NASP: variants seen among roughly 807,000 people sequenced by gnomAD.
The protein encoded by NASP is NASP histone chaperone.
A neutral mutation model predicts 89.5 loss-of-function variants in NASP; 24 were observed. The ratio of observed to expected loss-of-function variants is 0.27; its 90% CI spans 0.19 to 0.38. The LOEUF is 0.38. Ranked by LOEUF, NASP falls within the 10% of genes least tolerant of loss-of-function variation. NASP has a pLI of 1.00. For synonymous variants in NASP, 306 were observed against 324.7 expected, an observed-to-expected ratio of 0.94 and a Z score of 0.62; for missense variants, 848 against 921.4, an observed-to-expected ratio of 0.92 and a Z score of 1.03.
At chr1:45,595,715 A>C (rs1489142195) in intron 2 of NASP, among the ~76,000 whole-genome samples, 1 of 152,218 alleles carries the variant, frequency 6.6e-6, no homozygotes, top group African/African-American at 2.4e-5. Flanking sequence ...AGTACTAGCA[A>C]TTCTTGTGTT....
chr1:45,617,398 G>GT (rs1452489386), intron 13 of NASP, 65 bp from the exon 14 acceptor site: 1 of 1,551,304 alleles, frequency 6.4e-7, no homozygotes. Context: ...TTAAGGAAAT[G>GT]TTTTGCAGTT....
intron 1 of NASP, among the ~76,000 whole-genome samples, chr1:45,585,041 G>C (rs1283561250): frequency 6.6e-6 from 1 of 152,194 alleles, no homozygotes; most frequent in Non-Finnish European, 1.5e-5. Context: ...AGCACTGTTT[G>C]GTTGCTAGGT....
chr1:45,615,557 TG>T, intron 11 of NASP, 86 bp downstream of exon 11: 1 of 1,349,674 alleles, frequency 7.4e-7, no homozygotes. Context: ...CATCATGACT[TG>T]GTTTCCAGGG....
At chr1:45,598,866 CTT>C (rs138195196) in intron 2 of NASP, among the ~76,000 whole-genome samples, 1,562 of 152,188 alleles carry the variant, frequency 0.01, 28 homozygotes, top group African/African-American at 0.036. Context: ...AATTCAATAA[CTT>C]TATGAGGTGT....
Position 45,607,451 on chromosome 1 carries a change from G to C in NASP, c.540G>C (p.Lys180Asn), listed in dbSNP as rs1427858778. The change falls in exon 6 of 15, where the codon AAG becomes AAC. Residue 180 changes from lysine (K) to asparagine (N), a missense_variant. Physicochemically the swap from Lys to Asn is moderately conservative, Grantham distance 94. Transcript: ENST00000350030. ...TDKEQDSEME[K>N]GGREDMDISK... The stretch of plus-strand genomic sequence containing the variant: ...AAGAACAGGACAGTGAAATGGAGAA[G>C]GGTGGAAGAGAAGATATGGATATAA... 1 of 1,613,644 alleles carries C rather than the reference G, an allele frequency of 6.2e-7. No homozygotes were observed. The highest frequency in any genetic ancestry group is 8.5e-7 in the Non-Finnish European group (1 of 1,179,938).
chr1:45,595,482 G>A (rs535439643), intron 2 of NASP, among the ~76,000 whole-genome samples: 1 of 152,224 alleles, frequency 6.6e-6, no homozygotes, highest in East Asian at 1.9e-4. Flanking sequence ...TGCCCATATA[G>A]TCTCTCCTTT....
chr1:45,601,392 G>A (rs1643839469), intron 2 of NASP, among the ~76,000 whole-genome samples: 1 of 152,150 alleles, frequency 6.6e-6, no homozygotes. Flanking sequence ...ATTGCATGTG[G>A]ATTTATAATT....
chr1:45,609,390 A>G (rs1183041264), intron 6 of NASP: 1 of 152,188 alleles, frequency 6.6e-6, no homozygotes, highest in Non-Finnish European at 1.5e-5. Context: ...TCCAGCCAAC[A>G]CAGGCTCAGT....
chr1:45,595,772 A>G (rs1643681155), intron 2 of NASP, among the ~76,000 whole-genome samples: 1 of 152,244 alleles, frequency 6.6e-6, no homozygotes, highest in African/African-American at 2.4e-5. Context: ...GAAGCGTTAC[A>G]AACTGAAGTT....
intron 4 of NASP, among the ~76,000 whole-genome samples, chr1:45,605,474 T>C (rs1473350496): frequency 6.6e-6 from 1 of 152,184 alleles, no homozygotes; most frequent in African/African-American, 2.4e-5. Flanking sequence ...TAAGGTTTTT[T>C]TTTTTTGAGA....
chr1:45,594,991 CT>C lies in NASP; in HGVS notation c.107+3723del, dbSNP rs542428874. Among the ~76,000 whole-genome samples, 171 of 152,136 alleles carry C rather than the reference CT, an allele frequency of 1.1e-3. 1 individual carries two copies. Among genetic ancestry groups the C allele is most frequent in the Non-Finnish European group, 1.9e-3 (128 of 68,006 alleles). On this transcript the variant is annotated intron_variant, in intron 2 of 14. Transcript: ENST00000350030. Reference sequence around the variant, plus strand: ...ATTCTGCGGAACTGCTTAATCTTTCCTTCTTTTTTTTCCCCCCTTGAGTCAG... The same window carrying C: ...ATTCTGCGGAACTGCTTAATCTTTCCTCTTTTTTTTCCCCCCTTGAGTCAG...
rs1222070499 is a variant in NASP at position 45,586,273 on chromosome 1, T to TG, written c.59+2069dup. Among the ~76,000 whole-genome samples the TG allele has an allele frequency of 3.2e-4, 19 of 58,686 alleles. No individual in the cohort carries two copies. The East Asian group carries it at 7.4e-3, about 23-fold the overall frequency. The allele number at this position is 58,686 out of a possible 152,430, so 38.5% of individuals were successfully genotyped here. On this transcript the variant is annotated intron_variant, in intron 1 of 14. Transcript: ENST00000350030. Reference sequence around the variant, plus strand: ...GTGTGTGTGTGTGTGTGTGTGTGTGTGTGTGTGTGTGGTGTGTGTGTGTGT... The same window carrying TG: ...GTGTGTGTGTGTGTGTGTGTGTGTGTGGTGTGTGTGTGGTGTGTGTGTGTGT...
intron 2 of NASP, among the ~76,000 whole-genome samples, chr1:45,601,507 G>T (rs917065173): frequency 4.6e-5 from 7 of 152,036 alleles, no homozygotes; most frequent in Non-Finnish European, 8.8e-5. Context: ...TTTGTACTCT[G>T]TGTTCTATTT....
At chr1:45,585,531 C>G (rs1243323039) in intron 1 of NASP, among the ~76,000 whole-genome samples, 1 of 152,170 alleles carries the variant, frequency 6.6e-6, no homozygotes. Flanking sequence ...TTACCTGCCT[C>G]TTTCCCCATT....
chr1:45,603,474 C>T (rs571424923), intron 3 of NASP, among the ~76,000 whole-genome samples: 1 of 152,294 alleles, frequency 6.6e-6, no homozygotes, highest in African/African-American at 2.4e-5. Flanking sequence ...CTGCCAACAT[C>T]CAGAACAGAA....
chr1:45,586,286 T>TGTGTGTGTGTGTG (rs1557646548), intron 1 of NASP, among the ~76,000 whole-genome samples: 9 of 88,328 alleles, frequency 1.0e-4, no homozygotes, highest in African/African-American at 4.3e-4. Flanking sequence ...GTGTGTGTGG[T>TGTGTGTGTGTGTG]GTGTGTGTGT....
At chr1:45,602,206 A>T in intron 2 of NASP, 49 bp from the exon 3 acceptor site, 1 of 1,551,610 alleles carries the variant, frequency 6.4e-7, no homozygotes, top group Non-Finnish European at 8.7e-7. Context: ...TATTCAAAAA[A>T]TACTGATTTA....
intron 2 of NASP, chr1:45,600,577 G>A (rs1012507386): frequency 8.2e-6 from 5 of 610,552 alleles, no homozygotes; most frequent in African/African-American, 4.0e-5. Flanking sequence ...ATTTTATGAT[G>A]TAGATATATC....
At chr1:45,588,108 C>T (rs1409223417) in intron 1 of NASP, among the ~76,000 whole-genome samples, 1 of 150,872 alleles carries the variant, frequency 6.6e-6, no homozygotes, top group Non-Finnish European at 1.5e-5. Flanking sequence ...GGCGTGGTTG[C>T]GCATGACTGT....
Sources: allele counts gnomAD v4.1 joint callset (sites outside exome capture counted in the v4.1 genomes callset), GRCh38; gene constraint gnomAD v4.1.1; transcripts MANE v1.5; gene names NCBI Gene and HGNC (gene_info 2026-07-23, HGNC 2026-07-21).